The following RYR3 variants were observed in gnomAD, a reference collection of about 807,000 sequenced individuals.
RYR3 encodes ryanodine receptor 3.
RYR3 carries 207 observed loss-of-function variants against 584.3 expected under a neutral mutation model. That is an observed-to-expected ratio of 0.35 (90% CI 0.32 to 0.40). The LOEUF (loss-of-function observed/expected upper bound fraction) is 0.40. Among genes scored for constraint, RYR3 ranks in the 10% least tolerant of loss-of-function variants. RYR3 has a pLI of 1.00. For synonymous variants in RYR3, 2,416 were observed against 2,248.5 expected, an observed-to-expected ratio of 1.07 and a Z score of -2.11; for missense variants, 5,616 against 6,089.2, an observed-to-expected ratio of 0.92 and a Z score of 2.59.
At chr15:33,771,851 C>T (rs2073601669) in intron 62 of RYR3, 69 bp from the exon 63 acceptor site, 3 of 1,083,484 alleles carry the variant, frequency 2.8e-6, no homozygotes, top group Non-Finnish European at 4.1e-6. Flanking sequence ...ATGACACTGC[C>T]AGTTTCAAGA....
chr15:33,693,867 C>A (rs1185753229), intron 38 of RYR3, among the ~76,000 whole-genome samples: 1 of 152,142 alleles, frequency 6.6e-6, no homozygotes, highest in Admixed American at 6.5e-5. Context: ...GCTTTCAGTC[C>A]AATGGCAAGT....
Position 33,722,851 on chromosome 15 carries a change from G to C in RYR3, c.6756G>C (p.Glu2252Asp), listed in dbSNP as rs760270042. The C allele has an allele frequency of 6.2e-7, 1 of 1,604,230 alleles. No homozygotes were observed. Among genetic ancestry groups the C allele is most frequent in the Non-Finnish European group, 8.5e-7 (1 of 1,175,926 alleles). Residue 2252 changes from glutamate to aspartate, a missense_variant, in exon 44 of 104, where the codon GAG (glutamate) becomes GAC (aspartate). This residue lies in a region of RYR3 where 1,280 missense variants were observed against 1,426.2 expected (regional missense o/e 0.90). Transcript: ENST00000634891. Reference sequence around the variant, plus strand: ...TGCAGGGTGCCATTAAGATCTCTGAGAACCCAGCGCTCGACCTCCCCTCTC... The same window carrying C: ...TGCAGGGTGCCATTAAGATCTCTGACAACCCAGCGCTCGACCTCCCCTCTC... ...AAMQGAIKIS[E>D]NPALDLPSQG... is the part of the protein sequence containing the mutation.
At chr15:33,612,363 G>T (rs1238402784) in intron 18 of RYR3, among the ~76,000 whole-genome samples, 1 of 151,970 alleles carries the variant, frequency 6.6e-6, no homozygotes, top group African/African-American at 2.4e-5. Context: ...TAGTTTTTTT[G>T]TTTGTTTGTT....
intron 100 of RYR3, among the ~76,000 whole-genome samples, chr15:33,860,005 C>T (rs2153014465): frequency 6.6e-6 from 1 of 152,302 alleles, no homozygotes; most frequent in South Asian, 2.1e-4. Context: ...ACTTCTGCTT[C>T]TGAGATCTCT....
Position 33,613,212 on chromosome 15 carries a change from A to G in RYR3, c.2194A>G (p.Asn732Asp). ...GATACCCAGAGCTGTGGCTTCCATC[A>G]ACCAGCACCTCCTGAGATCGGATGA... The part of the protein sequence containing the change: ...GRIPRAVASI[N>D]QHLLRSDDVV... Residue 732 changes from asparagine (N) to aspartate (D), a missense_variant, in exon 19 of 104, where the codon AAC (asparagine) becomes GAC (aspartate). Asn to Asp is a conservative substitution (Grantham distance 23). Around this residue, in one of 9 missense-constraint regions of RYR3, gnomAD observed 1,284 missense variants for 1,344.6 expected, o/e 0.95. Transcript: ENST00000634891. 3 of 1,613,788 alleles carry G rather than the reference A, an allele frequency of 1.9e-6. No homozygotes were observed. The highest frequency in any genetic ancestry group is 2.5e-6 in the Non-Finnish European group (3 of 1,179,822).
rs747474248 is a variant in RYR3, at chr15:33,731,538, C to T, written c.7268C>T (p.Pro2423Leu). The change falls in exon 48 of 104, where the codon CCG (proline) becomes CTG (leucine). Residue 2423 changes from proline (P) to leucine (L), a missense_variant. Transcript: ENST00000634891. ...LNRYICSAVLPLLTRCAPLFA... is the reference protein window; with the variant it reads ...LNRYICSAVLLLLTRCAPLFA... ...AGGTATATATGTTCTGCTGTGCTCC[C>T]GCTCCTCACAAGATGTGCCCCTCTC... 66 of 1,613,676 alleles carry T rather than the reference C, an allele frequency of 4.1e-5. No homozygotes were observed. The highest frequency in any genetic ancestry group is 5.5e-5 in the Non-Finnish European group (65 of 1,179,840).
intron 102 of RYR3, 136 bp downstream of exon 102, chr15:33,861,314 G>C (rs916296308): frequency 6.8e-6 from 4 of 586,056 alleles, no homozygotes; most frequent in African/African-American, 5.6e-5. Context: ...CTGTACCTTT[G>C]TCCATAGACT....
At chr15:33,581,950 G>A (rs935063904) in intron 14 of RYR3, among the ~76,000 whole-genome samples, 5 of 152,176 alleles carry the variant, frequency 3.3e-5, no homozygotes, top group African/African-American at 1.2e-4. Context: ...CATTTATGAT[G>A]TCTTCCAGTT....
chr15:33,416,517 C>T (rs35784031), intron 1 of RYR3, among the ~76,000 whole-genome samples: 8,305 of 151,980 alleles, frequency 0.055, 320 homozygotes, highest in Non-Finnish European at 0.081. Flanking sequence ...GTCTGTCCTT[C>T]GCTTACTTTT....
intron 1 of RYR3, among the ~76,000 whole-genome samples, chr15:33,352,744 G>T (rs1457705072): frequency 6.6e-6 from 1 of 152,170 alleles, no homozygotes; most frequent in Non-Finnish European, 1.5e-5. Context: ...GAGTTTCAAG[G>T]TTGACTACTA....
chr15:33,735,996 G>T (rs1308492768), intron 48 of RYR3, among the ~76,000 whole-genome samples: 1 of 152,128 alleles, frequency 6.6e-6, no homozygotes, highest in African/African-American at 2.4e-5. Context: ...AGAACATTTT[G>T]TCACATAGCA....
At chr15:33,519,939 A>G (rs1255015648) in intron 3 of RYR3, among the ~76,000 whole-genome samples, 4 of 152,192 alleles carry the variant, frequency 2.6e-5, no homozygotes, top group African/African-American at 9.7e-5. Context: ...CCCCATGCTC[A>G]TTATGTGGAT....
chr15:33,727,620 G>A (rs1411371273), intron 46 of RYR3, among the ~76,000 whole-genome samples: 4 of 152,204 alleles, frequency 2.6e-5, no homozygotes, highest in Non-Finnish European at 5.9e-5. Context: ...ATTCAGGGCA[G>A]GAGAGGCCGC....
chr15:33,419,909 A>G (rs763394720), intron 1 of RYR3, among the ~76,000 whole-genome samples: 6 of 152,196 alleles, frequency 3.9e-5, no homozygotes, highest in Non-Finnish European at 8.8e-5. Flanking sequence ...TTGCCTGCAT[A>G]AGCAGCGTAT....
At chr15:33,639,121 A>C (rs1162150630) in intron 27 of RYR3, among the ~76,000 whole-genome samples, 1 of 152,144 alleles carries the variant, frequency 6.6e-6, no homozygotes, top group Non-Finnish European at 1.5e-5. Context: ...TATAGAGGGG[A>C]GGGACATTTG....
intron 27 of RYR3, among the ~76,000 whole-genome samples, chr15:33,639,434 G>T (rs75138790): frequency 0.044 from 6,692 of 152,250 alleles, 486 homozygotes; most frequent in African/African-American, 0.15. Context: ...CCAAGGCCTG[G>T]AATAACCACA....
chr15:33,818,190 T>G (rs920014520), intron 75 of RYR3, among the ~76,000 whole-genome samples: 4 of 152,154 alleles, frequency 2.6e-5, no homozygotes, highest in African/African-American at 7.2e-5. Flanking sequence ...GCTGTTGGCC[T>G]GAGAGAGCAG....
At chr15:33,314,922 C>G (rs890551493) in intron 1 of RYR3, among the ~76,000 whole-genome samples, 7 of 89,934 alleles carry the variant, frequency 7.8e-5, no homozygotes, top group African/African-American at 3.0e-4. Context: ...TCAAAGAAAA[C>G]AAACAACAAA....
chr15:33,748,520 G>A lies in RYR3; in HGVS notation c.8189G>A (p.Arg2730Lys), dbSNP rs745822133. Residue 2730 changes from arginine (R) to lysine (K), a missense_variant, in exon 55 of 104, where the codon AGA (arginine) becomes AAA (lysine). Around this residue, in one of 9 missense-constraint regions of RYR3, gnomAD observed 1,280 missense variants for 1,426.2 expected, o/e 0.90. Coordinates refer to ENST00000634891, the MANE Select transcript of RYR3 (RefSeq NM_001036.6). The stretch of plus-strand genomic sequence containing the variant: ...GACCTCTCAAACGTTGTGCTCTCCA[G>A]AGAGCTCCAGGTCAGTGCCCCAGGT... Reference protein sequence around the residue: ...PLDLSNVVLSRELQGMVEVVA... With the variant: ...PLDLSNVVLSKELQGMVEVVA... The A allele has an allele frequency of 3.1e-6, 5 of 1,612,644 alleles. No individual in the cohort carries two copies. Among genetic ancestry groups the A allele is most frequent in the Non-Finnish European group, 4.2e-6 (5 of 1,179,396 alleles).
Sources: gnomAD v4.1 joint callset for allele counts (sites outside exome capture counted in the v4.1 genomes callset) on GRCh38, gnomAD v4.1.1 for gene constraint, gnomAD v4.1.1 regional missense constraint, MANE v1.5 for transcripts, NCBI Gene and HGNC (gene_info 2026-07-23, HGNC 2026-07-21) for gene names.